MCUB: variants seen among roughly 807,000 people sequenced by gnomAD.
The protein encoded by MCUB is calcium uniporter regulatory subunit MCUb, mitochondrial.
A neutral mutation model predicts 41.4 loss-of-function variants in MCUB; 46 were observed. The observed-to-expected ratio is 1.11, with a 90% confidence interval of 0.88 to 1.42. MCUB has a LOEUF of 1.42. Among genes scored for constraint, MCUB ranks in the 40% most tolerant of loss-of-function variants. MCUB has a pLI of 0.00. For missense variants in MCUB, 403 were observed against 404.9 expected (o/e 1.00, Z 0.04); for synonymous variants, 148 against 148.2 (o/e 1.00, Z 0.01).
chr4:109,570,887 G>A (rs1726897706), intron 1 of MCUB, among the ~76,000 whole-genome samples: 1 of 152,158 alleles, frequency 6.6e-6, no homozygotes, highest in Non-Finnish European at 1.5e-5. Flanking sequence ...TTCTGTGTTA[G>A]CCTTATAACT....
chr4:109,610,538 G>C (rs1296560560), intron 1 of MCUB, among the ~76,000 whole-genome samples: 1 of 152,118 alleles, frequency 6.6e-6, no homozygotes, highest in Non-Finnish European at 1.5e-5. Flanking sequence ...TAACCTGCTT[G>C]TTTGATCTTA....
At chr4:109,625,335 G>A (rs1728338834) in intron 1 of MCUB, among the ~76,000 whole-genome samples, 1 of 152,104 alleles carries the variant, frequency 6.6e-6, no homozygotes, top group Non-Finnish European at 1.5e-5. Context: ...TTAGTTCAAT[G>A]CTTCAAACAT....
At chr4:109,583,692 T>G (rs1727238292) in intron 1 of MCUB, among the ~76,000 whole-genome samples, 1 of 152,212 alleles carries the variant, frequency 6.6e-6, no homozygotes, top group African/African-American at 2.4e-5. Context: ...TGATATTGAC[T>G]ATGGGTTTGT....
At chr4:109,570,339 C>A (rs1333793367) in intron 1 of MCUB, among the ~76,000 whole-genome samples, 2 of 152,122 alleles carry the variant, frequency 1.3e-5, no homozygotes, top group Non-Finnish European at 2.9e-5. Flanking sequence ...ATTTCTTATT[C>A]TGCTAGTACA....
intron 1 of MCUB, among the ~76,000 whole-genome samples, chr4:109,602,362 T>G (rs1727764660): frequency 6.6e-6 from 1 of 152,246 alleles, no homozygotes; most frequent in African/African-American, 2.4e-5. Flanking sequence ...ATTTAAGTCT[T>G]TAATCCATTT....
chr4:109,582,011 C>T (rs1220820966), intron 1 of MCUB, among the ~76,000 whole-genome samples: 1 of 152,128 alleles, frequency 6.6e-6, no homozygotes, highest in South Asian at 2.1e-4. Context: ...CCATTTGACC[C>T]AGCCATCCCA....
chr4:109,599,763 G>A (rs1159875656), intron 1 of MCUB, among the ~76,000 whole-genome samples: 1 of 152,024 alleles, frequency 6.6e-6, no homozygotes, highest in African/African-American at 2.4e-5. Flanking sequence ...CTACCTCCCA[G>A]GTTCAAGCAA....
In MCUB at chr4:109,661,129, A is replaced by T. The variant is rs534642805; in HGVS notation, c.346+764A>T. Among the ~76,000 whole-genome samples the T allele has an allele frequency of 8.5e-5, 13 of 152,316 alleles. No homozygotes were observed. In the South Asian group the frequency reaches 2.1e-3, roughly 24 times the overall value. On this transcript the variant is annotated intron_variant, in intron 3 of 7. Transcript: ENST00000394650. ...CAGAATTAGTTCTTAGGAAGAATAT[A>T]CATTTTTTAAAAAACCAGAAGTATG...
At position 109,626,579 on chromosome 4, in the gene MCUB, G is replaced by A. The variant is rs188425252; in HGVS notation, c.100-32432G>A. On this transcript the variant is annotated intron_variant, in intron 1 of 7. Transcript: ENST00000394650. ...TGTAATCCTAGCACTTTGGGAGGCC[G>A]AGGCAGGCGGATCACCTGAGGTCAG... Among the ~76,000 whole-genome samples the A allele has an allele frequency of 4.4e-3, 668 of 152,102 alleles. 6 individuals are homozygous for A. The highest frequency in any genetic ancestry group is 0.015 in the African/African-American group (625 of 41,504).
At chr4:109,676,153 A>G (rs1302273583) in intron 4 of MCUB, among the ~76,000 whole-genome samples, 1 of 152,152 alleles carries the variant, frequency 6.6e-6, no homozygotes, top group African/African-American at 2.4e-5. Context: ...GTTAAGGACA[A>G]TTCTGGTCAG....
rs183056453 is a variant in MCUB, at chr4:109,621,462, A to G, written c.100-37549A>G. Reference sequence around the variant, plus strand: ...ACCCTGCATATTTGAGGAAAAAAAAAGGATTATCCTAATTATTTCTAATAT... The same window carrying G: ...ACCCTGCATATTTGAGGAAAAAAAAGGGATTATCCTAATTATTTCTAATAT... On this transcript the variant is annotated intron_variant, in intron 1 of 7. Coordinates refer to ENST00000394650, the MANE Select transcript of MCUB (RefSeq NM_017918.5). 2.0e-3 allele frequency among the ~76,000 whole-genome samples: 306 copies of G among 152,354 alleles called. 1 individual carries two copies. The highest frequency in any genetic ancestry group is 3.4e-3 in the Middle Eastern group (1 of 294).
At chr4:109,616,091 G>A (rs1728120613) in intron 1 of MCUB, among the ~76,000 whole-genome samples, 1 of 152,242 alleles carries the variant, frequency 6.6e-6, no homozygotes, top group South Asian at 2.1e-4. Flanking sequence ...GAAATGATGA[G>A]TGATAGATCC....
At chr4:109,637,463 C>T (rs774418236) in intron 1 of MCUB, among the ~76,000 whole-genome samples, 1 of 152,172 alleles carries the variant, frequency 6.6e-6, no homozygotes, top group African/African-American at 2.4e-5. Context: ...TTTATTGCAG[C>T]ACAATTTGCA....
chr4:109,674,774 T>G (rs1487603656), intron 4 of MCUB, among the ~76,000 whole-genome samples: 1 of 152,258 alleles, frequency 6.6e-6, no homozygotes, highest in Non-Finnish European at 1.5e-5. Context: ...TGCTGATATA[T>G]TAGAATAATT....
chr4:109,603,977 A>G (rs1727811857), intron 1 of MCUB, among the ~76,000 whole-genome samples: 1 of 152,212 alleles, frequency 6.6e-6, no homozygotes, highest in Admixed American at 6.5e-5. Flanking sequence ...AAGAGAGATC[A>G]GATTGTTACT....
intron 1 of MCUB, among the ~76,000 whole-genome samples, chr4:109,632,796 G>A (rs1410615936): frequency 6.6e-6 from 1 of 151,960 alleles, no homozygotes; most frequent in Non-Finnish European, 1.5e-5. Context: ...TGTATTTTTA[G>A]TAGAGACAGG....
intron 1 of MCUB, among the ~76,000 whole-genome samples, chr4:109,636,036 G>A (rs1728582162): frequency 1.3e-5 from 2 of 152,232 alleles, no homozygotes; most frequent in Admixed American, 1.3e-4. Context: ...ACTCCCAACA[G>A]TAGTGTACAA....
chr4:109,591,393 C>T (rs1286115243), intron 1 of MCUB, among the ~76,000 whole-genome samples: 1 of 151,880 alleles, frequency 6.6e-6, no homozygotes, highest in Non-Finnish European at 1.5e-5. Context: ...ACCATATTGG[C>T]CAGGCTGGTC....
At chr4:109,668,283 A>G (rs946529841) in intron 4 of MCUB, among the ~76,000 whole-genome samples, 1 of 152,008 alleles carries the variant, frequency 6.6e-6, no homozygotes, top group African/African-American at 2.4e-5. Flanking sequence ...TTGTAGTTCT[A>G]TTAGTTTTTG....
Sources: gnomAD v4.1 joint callset for allele counts (sites outside exome capture counted in the v4.1 genomes callset) on GRCh38, gnomAD v4.1.1 for gene constraint, MANE v1.5 for transcripts, NCBI Gene and HGNC (gene_info 2026-07-23, HGNC 2026-07-21) for gene names.